MYH7: variants seen among roughly 807,000 people sequenced by gnomAD.
The protein encoded by MYH7 is myosin-7.
MYH7 carries 129 observed loss-of-function variants against 225.4 expected under a neutral mutation model. The observed-to-expected ratio is 0.57, with a 90% CI of 0.50 to 0.66. The LOEUF (loss-of-function observed/expected upper bound fraction) is 0.66, where lower values mean the gene tolerates loss of function less well. MYH7 is among the 30% of genes least tolerant of loss of function. The pLI is 0.00. For missense variants in MYH7, 1,649 were observed against 2,517.0 expected (o/e 0.66, Z 7.38); for synonymous variants, 971 against 1,007.6 (o/e 0.96, Z 0.69).
rs888930078 is a variant in MYH7 at position 23,426,062 on chromosome 14, CA to C, written c.2063del (p.Leu688ArgfsTer38). ...CATTGCAGCGCAGCTGGTGCATGAC[CA>C]GGGGGTTGTCCATCACCCCTGTGGC... ...TKSPGVMDNP[L>X]VMHQLRCNGV... On this transcript the variant is annotated frameshift_variant, in exon 19 of 40. Coordinates refer to ENST00000355349, the MANE Select transcript of MYH7 (RefSeq NM_000257.4). LOFTEE classifies it high-confidence loss of function. The C allele has an allele frequency of 1.9e-6, 3 of 1,614,062 alleles. No homozygotes were observed. The highest frequency in any genetic ancestry group is 2.7e-5 in the African/African-American group (2 of 74,924).
chr14:23,428,746 G>C, intron 14 of MYH7, 76 bp from the exon 15 acceptor site: 1 of 1,609,578 alleles, frequency 6.2e-7, no homozygotes, highest in East Asian at 2.2e-5. Flanking sequence ...CGTCCACTGT[G>C]CCTGAGCCCA....
At chr14:23,429,745 C>T in intron 12 of MYH7, 30 bp downstream of exon 12, 3 of 1,610,386 alleles carry the variant, frequency 1.9e-6, no homozygotes, top group South Asian at 1.1e-5. Flanking sequence ...CATGACTTGA[C>T]AGCTGCCCCC....
Position 23,421,906 on chromosome 14 carries a change from G to A in MYH7, c.3245+274C>T, listed in dbSNP as rs576835534. On this transcript the variant is annotated intron_variant, in intron 25 of 39. Coordinates refer to ENST00000355349, the MANE Select transcript of MYH7 (RefSeq NM_000257.4). ...CTCCAAAGAGAGATGTGTATGAAGG[G>A]GGAAGGCTGTTATTTTCATTCCCAC... The A allele has an allele frequency of 9.6e-6, 5 of 523,546 alleles. No individual in the cohort carries two copies. The African/African-American group carries it at 1.0e-4, about 11-fold the overall frequency. 32.4% of individuals were successfully genotyped at this position (523,546 alleles called of 1,614,324 possible). A position where few individuals can be genotyped will look rare whatever the true frequency, so the allele number is the denominator to read the frequency against.
rs1566536367 is a variant in MYH7, at chr14:23,430,574, G to A, written c.985C>T (p.Leu329Phe). Residue 329 changes from leucine to phenylalanine, a missense_variant, in exon 11 of 40, where the codon CTC (leucine) becomes TTC (phenylalanine). Physicochemically the swap from Leu to Phe is conservative, Grantham distance 22. Around this residue, in one of 12 missense-constraint regions of MYH7, gnomAD observed 131 missense variants for 231.3 expected, o/e 0.57. Coordinates refer to ENST00000355349, the MANE Select transcript of MYH7 (RefSeq NM_000257.4). Reference protein sequence around the residue: ...TVASIDDAEELMATDNAFDVL... With the variant: ...TVASIDDAEEFMATDNAFDVL... ...CACACACTCACATCAGTGGCCATGA[G>A]CTCCTCAGCGTCATCAATGGAGGCC... 1 of 1,613,630 alleles carries A rather than the reference G, an allele frequency of 6.2e-7. No homozygotes were observed. Among genetic ancestry groups the A allele is most frequent in the Non-Finnish European group, 8.5e-7 (1 of 1,179,574 alleles).
chr14:23,429,674 T>G, intron 12 of MYH7, 101 bp downstream of exon 12: 1 of 1,241,432 alleles, frequency 8.1e-7, no homozygotes, highest in Non-Finnish European at 1.1e-6. Flanking sequence ...AGACTCCATC[T>G]CAAAAAAAAA....
Position 23,415,114 on chromosome 14 carries a change from T to G in MYH7, c.5440A>C (p.Lys1814Gln). The G allele has an allele frequency of 6.2e-7, 1 of 1,614,166 alleles. No individual in the cohort carries two copies. Among genetic ancestry groups the G allele is most frequent in the Non-Finnish European group, 8.5e-7 (1 of 1,180,050 alleles). Residue 1814 changes from lysine (K) to glutamine (Q), a missense_variant, in exon 37 of 40, where the codon AAG (lysine) becomes CAG (glutamine). Coordinates refer to ENST00000355349, the MANE Select transcript of MYH7 (RefSeq NM_000257.4). The surrounding 1 kb of genome is among the most constrained non-coding windows in gnomAD (Gnocchi z 6.3). ...AGCTCCCGCACCCGCGCTTCCAGCT[T>G]CTGCAGCTGCTTCTTGCCGCCCTTG... ...ALKGGKKQLQ[K>Q]LEARVRELEN...
chr14:23,421,648 A>G (rs979325911), intron 25 of MYH7: 7 of 685,488 alleles, frequency 1.0e-5, no homozygotes, highest in Non-Finnish European at 1.3e-5. Context: ...AATTATCAAA[A>G]TATGTTCTGC....
In MYH7 at chr14:23,425,316, C is replaced by T. The variant is rs3218716; in HGVS notation, c.2389G>A (p.Ala797Thr). ...AGCAGCTTTTTGTACTCCATTCTGG[C>T]GAGCACACCTCGGGACTGGGCCTGG... ...RIQAQSRGVLARMEYKKLLER... is the reference protein window; with the variant it reads ...RIQAQSRGVLTRMEYKKLLER... The change falls in exon 21 of 40, where the codon GCC becomes ACC. Residue 797 changes from alanine (A) to threonine (T), a missense_variant. Coordinates refer to ENST00000355349, the MANE Select transcript of MYH7 (RefSeq NM_000257.4). This position sits in a 1 kb window ranked among gnomAD's most constrained non-coding sequence, Gnocchi z 4.6. 2.9e-5 allele frequency: 46 copies of T among 1,614,034 alleles called. No individual in the cohort carries two copies. Among genetic ancestry groups the T allele is most frequent in the Admixed American group, 5.0e-5 (3 of 59,996 alleles).
rs755707262 is a variant in MYH7, at chr14:23,416,859, C to A, written c.4644+9G>T. ...CTCCCTGCACCCCGTGCCCTGCACA[C>A]ACACACACCTCGGCCTCCTCCAGGG... is the stretch of plus-strand genomic sequence containing the variant. On this transcript the variant is annotated intron_variant, in intron 33 of 39. Coordinates refer to ENST00000355349, the MANE Select transcript of MYH7 (RefSeq NM_000257.4). The A allele has an allele frequency of 1.2e-6, 2 of 1,614,036 alleles. No individual in the cohort carries two copies. The highest frequency in any genetic ancestry group is 1.7e-6 in the Non-Finnish European group (2 of 1,180,034).
rs45463697 is a variant in MYH7, at chr14:23,427,120, C to T, written c.1956+120G>A. On this transcript the variant is annotated intron_variant, in intron 17 of 39. Coordinates refer to ENST00000355349, the MANE Select transcript of MYH7 (RefSeq NM_000257.4). ...AGAGAAGACAGAGTGAAAATGGTCC[C>T]GAATGCACCAAGGAGACAGGGAACG... 3,209 of 1,045,032 alleles carry T rather than the reference C, an allele frequency of 3.1e-3. 5 individuals are homozygous for T. Among genetic ancestry groups the T allele is most frequent in the Non-Finnish European group, 3.3e-3 (2,231 of 680,546 alleles). The allele number at this position is 1,045,032 out of a possible 1,614,324, so 64.7% of individuals were successfully genotyped here. A position where few individuals can be genotyped will look rare whatever the true frequency, so the allele number is the denominator to read the frequency against.
intron 25 of MYH7, 107 bp downstream of exon 25, chr14:23,422,073 T>A: frequency 6.5e-7 from 1 of 1,536,266 alleles, no homozygotes; most frequent in Non-Finnish European, 8.9e-7. Context: ...GCGCCTCCAC[T>A]TGTGGAGGCT....
intron 5 of MYH7, 29 bp downstream of exon 5, chr14:23,432,610 T>C (rs1280162569): frequency 6.2e-7 from 1 of 1,614,062 alleles, no homozygotes; most frequent in Non-Finnish European, 8.5e-7. Context: ...CCCAGTTCCC[T>C]TCAGGAAGAC....
intron 6 of MYH7, 117 bp from the exon 7 acceptor site, chr14:23,431,986 C>A: frequency 9.3e-7 from 1 of 1,073,424 alleles, no homozygotes; most frequent in Non-Finnish European, 1.4e-6. Context: ...AAGAAGCTGC[C>A]AGGTTATCTA....
rs267603953 is a variant in MYH7, at chr14:23,415,811, C to T, written c.4975G>A (p.Asp1659Asn). 6.8e-6 allele frequency: 11 copies of T among 1,614,218 alleles called. No individual in the cohort carries two copies. Among genetic ancestry groups the T allele is most frequent in the African/African-American group, 4.0e-5 (3 of 75,050 alleles). ...AGGTCGTCGTTGGCACGGACTGCAT[C>T]GTCCAGCTGAATCTGGGTGTCCTGA... ...LLKDTQIQLDDAVRANDDLKE... is the reference protein window; with the variant it reads ...LLKDTQIQLDNAVRANDDLKE... Residue 1659 changes from aspartate to asparagine, a missense_variant, in exon 35 of 40, where the codon GAT becomes AAT. By Grantham distance (23) the Asp-to-Asn change is conservative (BLOSUM62 1). Coordinates refer to ENST00000355349, the MANE Select transcript of MYH7 (RefSeq NM_000257.4). The surrounding 1 kb of genome is among the most constrained non-coding windows in gnomAD (Gnocchi z 6.3).
At position 23,421,054 on chromosome 14, in the gene MYH7, G is replaced by T; in HGVS notation, c.3246-6C>A. 6.2e-7 allele frequency: 1 copy of T among 1,612,522 alleles called. No homozygotes were observed. Among genetic ancestry groups the T allele is most frequent in the South Asian group, 1.1e-5 (1 of 91,004 alleles). On this transcript the variant is annotated splice_polypyrimidine_tract_variant and splice_region_variant and intron_variant, in intron 25 of 39. Coordinates refer to ENST00000355349, the MANE Select transcript of MYH7 (RefSeq NM_000257.4). ...CATTCAGCTCAAAGTCTTTTCTGTGGGGAAGGAGGGATGGTGAGGTAAGGG... is the reference window on the plus strand; with the variant it reads ...CATTCAGCTCAAAGTCTTTTCTGTGTGGAAGGAGGGATGGTGAGGTAAGGG...
Position 23,427,723 on chromosome 14 carries a change from C to T in MYH7, c.1750G>A (p.Gly584Ser), listed in dbSNP as rs121913626. The T allele has an allele frequency of 5.0e-6, 8 of 1,614,040 alleles. No homozygotes were observed. Among genetic ancestry groups the T allele is most frequent in the African/African-American group, 1.3e-5 (1 of 74,902 alleles). The stretch of plus-strand genomic sequence containing the variant: ...CCAATGATGTTGTAGTCCACGATGC[C>T]GGCATAGTGGATCAGGGAGAAGTGG... ...EAHFSLIHYA[G>S]IVDYNIIGWL... Residue 584 changes from glycine (G) to serine (S), a missense_variant, in exon 16 of 40, where the codon GGC becomes AGC. Coordinates refer to ENST00000355349, the MANE Select transcript of MYH7 (RefSeq NM_000257.4).
At chr14:23,422,630 TCC>T (rs1892526265) in intron 24 of MYH7, among the ~76,000 whole-genome samples, 1 of 137,058 alleles carries the variant, frequency 7.3e-6, no homozygotes, top group East Asian at 2.1e-4. Context: ...CCTTCCTTCC[TCC>T]TTTTTTTTTT....
At chr14:23,422,631 CCTTT>C (rs1452677464) in intron 24 of MYH7, among the ~76,000 whole-genome samples, 1 of 137,552 alleles carries the variant, frequency 7.3e-6, no homozygotes, top group Non-Finnish European at 1.6e-5. Flanking sequence ...CTTCCTTCCT[CCTTT>C]TTTTTTTTTT....
At position 23,432,701 on chromosome 14, in the gene MYH7, C is replaced by T. The variant is rs1892998168; in HGVS notation, c.440G>A (p.Arg147Lys). Residue 147 changes from arginine to lysine, a missense_variant, in exon 5 of 40, where the codon AGG becomes AAG. By Grantham distance (26) the Arg-to-Lys change is conservative (BLOSUM62 2). Coordinates refer to ENST00000355349, the MANE Select transcript of MYH7 (RefSeq NM_000257.4). ...GAAGATGTGGGGCGGGGCCTCGCTCCTCTTCTTGCCCCGGTAGGCAGCCAC... is the reference window on the plus strand; with the variant it reads ...GAAGATGTGGGGCGGGGCCTCGCTCTTCTTCTTGCCCCGGTAGGCAGCCAC... Reference protein sequence around the residue: ...EVVAAYRGKKRSEAPPHIFSI... With the variant: ...EVVAAYRGKKKSEAPPHIFSI... The T allele has an allele frequency of 6.2e-7, 1 of 1,614,148 alleles. No homozygotes were observed. Among genetic ancestry groups the T allele is most frequent in the Non-Finnish European group, 8.5e-7 (1 of 1,180,026 alleles).
Sources: allele counts gnomAD v4.1 joint callset (sites outside exome capture counted in the v4.1 genomes callset), GRCh38; gene constraint gnomAD v4.1.1; regional missense constraint gnomAD v4.1.1; non-coding constraint Gnocchi (gnomAD v3.1); transcripts MANE v1.5; gene names NCBI Gene and HGNC (gene_info 2026-07-23, HGNC 2026-07-21).